ZBTB16: variants seen among roughly 807,000 people sequenced by gnomAD.
ZBTB16 encodes the protein zinc finger and BTB domain containing 16, also known as zinc finger and BTB domain-containing protein 16.
A neutral mutation model predicts 56.8 loss-of-function variants in ZBTB16; 8 were observed. The observed-to-expected ratio is 0.14, with a 90% CI of 0.08 to 0.25. The LOEUF is 0.25. ZBTB16 is among the 10% of genes least tolerant of loss of function. The pLI, the probability that ZBTB16 is intolerant of heterozygous loss-of-function variation, is 1.00. For missense variants in ZBTB16, 625 were observed against 903.0 expected (o/e 0.69, Z 3.95); for synonymous variants, 363 against 368.5 (o/e 0.98, Z 0.17).
chr11:114,183,261 G>A (rs564460691), intron 3 of ZBTB16, among the ~76,000 whole-genome samples: 3 of 152,194 alleles, frequency 2.0e-5, no homozygotes, highest in Non-Finnish European at 4.4e-5. Flanking sequence ...GCTCAGTGTC[G>A]TGACTTCAGC....
intron 3 of ZBTB16, among the ~76,000 whole-genome samples, chr11:114,165,015 C>T (rs1942704478): frequency 6.6e-6 from 1 of 152,182 alleles, no homozygotes; most frequent in Non-Finnish European, 1.5e-5. Context: ...CATCTGTCTT[C>T]GTTGGTCTTT....
At chr11:114,086,654 A>G (rs1336500330) in intron 2 of ZBTB16, among the ~76,000 whole-genome samples, 1 of 152,116 alleles carries the variant, frequency 6.6e-6, no homozygotes, top group Non-Finnish European at 1.5e-5. Flanking sequence ...GCATTAACAC[A>G]TCCCATCCTC....
intron 2 of ZBTB16, among the ~76,000 whole-genome samples, chr11:114,109,199 A>G (rs1017559017): frequency 6.6e-6 from 1 of 152,232 alleles, no homozygotes; most frequent in African/African-American, 2.4e-5. Context: ...GTAGCTCTCC[A>G]TCTGAATGTG....
chr11:114,148,340 C>G (rs61904454), intron 2 of ZBTB16, among the ~76,000 whole-genome samples: 38,162 of 77,664 alleles, frequency 0.49, 7,852 homozygotes, highest in Middle Eastern at 0.61. Context: ...TGGCTGGCTT[C>G]CTTCCTTCCT....
chr11:114,123,348 G>A (rs145658169), intron 2 of ZBTB16, among the ~76,000 whole-genome samples: 1 of 152,246 alleles, frequency 6.6e-6, no homozygotes, highest in East Asian at 1.9e-4. Context: ...CAGATGAAAA[G>A]GCTGAATACC....
chr11:114,136,033 C>T (rs901339562), intron 2 of ZBTB16, among the ~76,000 whole-genome samples: 6 of 151,982 alleles, frequency 3.9e-5, no homozygotes, highest in Admixed American at 2.6e-4. Context: ...TGTGGAATCT[C>T]GTGGCAAGGG....
intron 3 of ZBTB16, among the ~76,000 whole-genome samples, chr11:114,162,392 T>C (rs553074827): frequency 6.6e-6 from 1 of 152,348 alleles, no homozygotes; most frequent in East Asian, 1.9e-4. Context: ...GAAAATTCCC[T>C]GTGACTGGGA....
chr11:114,115,754 T>C (rs1307348812), intron 2 of ZBTB16, among the ~76,000 whole-genome samples: 1 of 152,210 alleles, frequency 6.6e-6, no homozygotes, highest in African/African-American at 2.4e-5. Flanking sequence ...ACAACTGCTG[T>C]GGCTGTCCTC....
chr11:114,148,378 T>TTCCTTCC (rs1942170714), intron 2 of ZBTB16, among the ~76,000 whole-genome samples: 2 of 141,086 alleles, frequency 1.4e-5, no homozygotes, highest in African/African-American at 5.5e-5. Flanking sequence ...CCTTCCTTCC[T>TTCCTTCC]TCCTTCCTTC....
intron 4 of ZBTB16, among the ~76,000 whole-genome samples, chr11:114,200,259 C>T (rs1263102850): frequency 1.3e-5 from 2 of 152,106 alleles, no homozygotes; most frequent in African/African-American, 4.8e-5. Flanking sequence ...AGTTTCTGTC[C>T]CTCACCAGTA....
chr11:114,074,607 G>A (rs1049424099), intron 2 of ZBTB16, among the ~76,000 whole-genome samples: 22 of 152,198 alleles, frequency 1.4e-4, no homozygotes, highest in African/African-American at 5.3e-4. Context: ...GTTTCTTGCC[G>A]ATGTACCTTA....
intron 2 of ZBTB16, among the ~76,000 whole-genome samples, chr11:114,142,521 G>C (rs7124349): frequency 1.1e-4 from 16 of 152,090 alleles, no homozygotes; most frequent in Non-Finnish European, 4.4e-5. Flanking sequence ...CAACATATGC[G>C]CTGTTGACAT....
intron 3 of ZBTB16, among the ~76,000 whole-genome samples, chr11:114,165,687 G>C (rs1390517802): frequency 6.6e-6 from 1 of 152,172 alleles, no homozygotes; most frequent in Non-Finnish European, 1.5e-5. Flanking sequence ...TCAGTGCCAG[G>C]GAGAGGCCTG....
In ZBTB16 at chr11:114,116,383, T is replaced by C. The variant is rs572662929; in HGVS notation, c.1269-39954T>C. 5.3e-5 allele frequency among the ~76,000 whole-genome samples: 8 copies of C among 152,358 alleles called. No homozygotes were observed. In the East Asian group the frequency reaches 1.5e-3, roughly 29 times the overall value. On this transcript the variant is annotated intron_variant, in intron 2 of 6. Coordinates refer to ENST00000335953, the MANE Select transcript of ZBTB16 (RefSeq NM_006006.6). ...AATCTAACTGCATATTTGATTACTTTCTAAAATTTAGGCGTTGCTGAACTT... is the reference window on the plus strand; with the variant it reads ...AATCTAACTGCATATTTGATTACTTCCTAAAATTTAGGCGTTGCTGAACTT...
At chr11:114,121,247 C>T (rs1344109910) in intron 2 of ZBTB16, among the ~76,000 whole-genome samples, 6 of 150,638 alleles carry the variant, frequency 4.0e-5, no homozygotes, top group Admixed American at 4.0e-4. Context: ...ATGGCTAATT[C>T]CAAGCTGCTG....
intron 4 of ZBTB16, chr11:114,187,310 T>C: frequency 1.8e-6 from 1 of 549,712 alleles, no homozygotes; most frequent in South Asian, 2.0e-5. Context: ...GAGCTCATGT[T>C]CTTGGAGGTA....
intron 4 of ZBTB16, among the ~76,000 whole-genome samples, chr11:114,208,150 A>G (rs1347958409): frequency 6.6e-6 from 1 of 152,196 alleles, no homozygotes; most frequent in Admixed American, 6.5e-5. Flanking sequence ...CCATAGATGT[A>G]CACCACTTGC....
chr11:114,139,663 GTA>G (rs1941894502), intron 2 of ZBTB16, among the ~76,000 whole-genome samples: 2 of 150,046 alleles, frequency 1.3e-5, no homozygotes, highest in East Asian at 2.0e-4. Context: ...GTGTGTGTGT[GTA>G]GTAGAGGATT....
intron 2 of ZBTB16, among the ~76,000 whole-genome samples, chr11:114,120,852 G>C (rs1227756527): frequency 6.6e-6 from 1 of 152,132 alleles, no homozygotes; most frequent in Admixed American, 6.5e-5. Flanking sequence ...AGGAGAGCAG[G>C]GCAGCGTGGA....
Sources: gnomAD v4.1 joint callset for allele counts (sites outside exome capture counted in the v4.1 genomes callset) on GRCh38, gnomAD v4.1.1 for gene constraint, MANE v1.5 for transcripts, NCBI Gene and HGNC (gene_info 2026-07-23, HGNC 2026-07-21) for gene names.